Variants in HTT observed in about 807,000 individuals in gnomAD.
HTT encodes the protein huntington disease protein.
In HTT, 104 loss-of-function variants were observed where a neutral mutation model predicts 362.3. That is an observed-to-expected ratio of 0.29 (90% CI 0.24 to 0.34). HTT has a LOEUF of 0.34. Ranked by LOEUF, HTT falls within the 10% of genes least tolerant of loss-of-function variation. The pLI, the probability that HTT is intolerant of heterozygous loss-of-function variation, is 1.00. For synonymous variants in HTT, 1,577 were observed against 1,548.7 expected (o/e 1.02, Z -0.43); for missense variants, 3,301 against 3,928.6 (o/e 0.84, Z 4.27).
In HTT at chr4:3,116,078, C is replaced by T. The variant is rs368911106; in HGVS notation, c.890-7C>T. On this transcript the variant is annotated splice_polypyrimidine_tract_variant and splice_region_variant and intron_variant, in intron 7 of 66. Coordinates refer to ENST00000355072, the MANE Select transcript of HTT (RefSeq NM_001388492.1). ...GATGTTAAGATGTCTTGCTTCCACC[C>T]CCACAGGCTTACTCGTTCCTGTCGA... is the stretch of plus-strand genomic sequence containing the variant. 6.2e-7 allele frequency: 1 copy of T among 1,600,104 alleles called. No homozygotes were observed.
chr4:3,151,836 A>G (rs1230271786), intron 26 of HTT, among the ~76,000 whole-genome samples: 1 of 152,148 alleles, frequency 6.6e-6, no homozygotes, highest in Non-Finnish European at 1.5e-5. Flanking sequence ...TGCATACTTT[A>G]TATTCTCTGC....
At chr4:3,140,021 G>T (rs890304682) in intron 21 of HTT, among the ~76,000 whole-genome samples, 1 of 152,104 alleles carries the variant, frequency 6.6e-6, no homozygotes, top group Admixed American at 6.5e-5. Context: ...ATGGGGGGCT[G>T]AGGTGGGTGG....
intron 57 of HTT, among the ~76,000 whole-genome samples, chr4:3,227,883 T>G (rs948105810): frequency 2.0e-5 from 3 of 152,164 alleles, no homozygotes; most frequent in Non-Finnish European, 2.9e-5. Flanking sequence ...AGCCGCTACT[T>G]GCTTTTGGGA....
chr4:3,156,883 A>C (rs147193334), intron 27 of HTT, among the ~76,000 whole-genome samples, 189 bp from the exon 28 acceptor site: 1 of 152,232 alleles, frequency 6.6e-6, no homozygotes, highest in African/African-American at 2.4e-5. Context: ...TTATTTAAAA[A>C]GTACTTAGGC....
chr4:3,203,989 A>G lies in HTT; in HGVS notation c.5577-18A>G, dbSNP rs370540671. 1.9e-5 allele frequency: 31 copies of G among 1,611,962 alleles called. No homozygotes were observed. Among genetic ancestry groups the G allele is most frequent in the Non-Finnish European group, 2.5e-5 (30 of 1,178,302 alleles). ...TGCCATCCAGAAACATTGTCAATGC[A>G]TCTGTTGCTCCTTCTAGAAGACACA... On this transcript the variant is annotated intron_variant, in intron 41 of 66. Coordinates refer to ENST00000355072, the MANE Select transcript of HTT (RefSeq NM_001388492.1).
chr4:3,136,010 A>G (rs1414484282), intron 20 of HTT, 43 bp downstream of exon 20: 2 of 1,394,410 alleles, frequency 1.4e-6, no homozygotes, highest in East Asian at 2.3e-5. Context: ...ACCTTCAAGA[A>G]GGTGAAAGTG....
intron 8 of HTT, among the ~76,000 whole-genome samples, chr4:3,120,035 C>T (rs1459310480): frequency 1.3e-5 from 2 of 152,126 alleles, no homozygotes; most frequent in Non-Finnish European, 2.9e-5. Context: ...GCAGGCCAGA[C>T]CTGACCTGTG....
Position 3,220,248 on chromosome 4 carries a change from G to C in HTT, c.7309G>C (p.Val2437Leu), listed in dbSNP as rs1373467914. 1.2e-6 allele frequency: 2 copies of C among 1,614,080 alleles called. No individual in the cohort carries two copies. The highest frequency in any genetic ancestry group is 2.2e-5 in the South Asian group (2 of 91,078). The change falls in exon 53 of 67, where the codon GTG becomes CTG. Residue 2437 changes from valine to leucine, a missense_variant. Val to Leu is a conservative substitution (Grantham distance 32). Coordinates refer to ENST00000355072, the MANE Select transcript of HTT (RefSeq NM_001388492.1). ...DFGTAFPEIP[V>L]EFLQEKEVFK... ...TGGCACAGCATTCCCTGAGATCCCC[G>C]TGGAGTTCCTCCAGGAAAAGGAAGT...
Position 3,143,023 on chromosome 4 carries a change from A to G in HTT, c.3066+137A>G, listed in dbSNP as rs908413568. The G allele has an allele frequency of 1.3e-5, 8 of 615,572 alleles. No homozygotes were observed. In the Admixed American group the frequency reaches 2.0e-4, roughly 16 times the overall value. 38.1% of individuals were successfully genotyped at this position (615,572 alleles called of 1,614,324 possible). ...ACTTATCCATGAGGCTTGCTAAGAA[A>G]TTGTGCTTCTGTGAAAAGAATCTCA... On this transcript the variant is annotated intron_variant, in intron 23 of 66. Coordinates refer to ENST00000355072, the MANE Select transcript of HTT (RefSeq NM_001388492.1).
In HTT at chr4:3,115,816, C is replaced by T. The variant is rs937637586; in HGVS notation, c.890-269C>T. 2.0e-4 allele frequency among the ~76,000 whole-genome samples: 30 copies of T among 152,162 alleles called. 1 individual carries two copies. Among genetic ancestry groups the T allele is most frequent in the African/African-American group, 6.0e-4 (25 of 41,428 alleles). On this transcript the variant is annotated intron_variant, in intron 7 of 66. Transcript: ENST00000355072. Reference sequence around the variant, plus strand: ...CCTGTTGTTTGGGTAACTGTGGAAACGAACACTGGCAAGTGCTGAAGCGAG... The same window carrying T: ...CCTGTTGTTTGGGTAACTGTGGAAATGAACACTGGCAAGTGCTGAAGCGAG...
At chr4:3,165,361 A>G (rs1293184546) in intron 29 of HTT, among the ~76,000 whole-genome samples, 5 of 151,504 alleles carry the variant, frequency 3.3e-5, no homozygotes, top group South Asian at 2.1e-4. Context: ...CTTCATTTCA[A>G]TCTTGGTGGA....
Position 3,074,887 on chromosome 4 carries a change from A to AGCAGCC in HTT, c.67_68insCGCAGC (p.Gln22_Gln23insProGln). On this transcript the variant is annotated inframe_insertion, in exon 1 of 67. Transcript: ENST00000355072. Reference sequence around the variant, plus strand: ...TCCCTCAAGTCCTTCCAGCAGCAGCAGCAGCAGCAGCAGCAGCAGCAGCAG... The same window carrying AGCAGCC: ...TCCCTCAAGTCCTTCCAGCAGCAGCAGCAGCCGCAGCAGCAGCAGCAGCAGCAGCAG... The AGCAGCC allele has an allele frequency of 7.9e-7, 1 of 1,260,816 alleles. No homozygotes were observed. 78.1% of individuals were successfully genotyped at this position (1,260,816 alleles called of 1,614,324 possible).
chr4:3,136,442 C>T, intron 21 of HTT, 116 bp downstream of exon 21: 1 of 470,904 alleles, frequency 2.1e-6, no homozygotes, highest in Non-Finnish European at 3.8e-6. Context: ...AATCTGAGCT[C>T]ATTTCAGCCA....
At chr4:3,112,774 T>C (rs10002065) in intron 6 of HTT, among the ~76,000 whole-genome samples, 9,335 of 151,990 alleles carry the variant, frequency 0.061, 512 homozygotes, top group African/African-American at 0.15. Flanking sequence ...AGAGGTGGAG[T>C]TGTTGGGTGA....
chr4:3,088,739 G>GT (rs779372545), intron 2 of HTT, among the ~76,000 whole-genome samples: 4,469 of 145,316 alleles, frequency 0.031, 142 homozygotes, highest in Non-Finnish European at 0.038. Context: ...CAGGATTTGT[G>GT]TTTTTTTTTT....
intron 36 of HTT, 58 bp downstream of exon 36, chr4:3,180,709 A>G: frequency 6.8e-7 from 1 of 1,465,922 alleles, no homozygotes; most frequent in Non-Finnish European, 9.2e-7. Flanking sequence ...TGCAGATGGA[A>G]GGAAGTGCCA....
At chr4:3,100,778 G>T (rs549856741) in intron 3 of HTT, among the ~76,000 whole-genome samples, 1 of 152,324 alleles carries the variant, frequency 6.6e-6, no homozygotes, top group Non-Finnish European at 1.5e-5. Context: ...ACCCAGGCTG[G>T]AGTGCAGTGG....
intron 2 of HTT, among the ~76,000 whole-genome samples, chr4:3,097,879 C>T (rs765871992): frequency 3.9e-5 from 6 of 152,102 alleles, no homozygotes; most frequent in Admixed American, 3.9e-4. Flanking sequence ...CGAACTTTTT[C>T]AACTGAATTT....
intron 1 of HTT, among the ~76,000 whole-genome samples, chr4:3,084,198 CTTTTT>C (rs4038024): frequency 8.5e-5 from 7 of 81,940 alleles, no homozygotes; most frequent in Admixed American, 1.5e-4. Flanking sequence ...AATGCTTTGT[CTTTTT>C]TTTTTTTTTT....
Sources: allele counts gnomAD v4.1 joint callset (sites outside exome capture counted in the v4.1 genomes callset), GRCh38; gene constraint gnomAD v4.1.1; transcripts MANE v1.5; gene names NCBI Gene and HGNC (gene_info 2026-07-23, HGNC 2026-07-21).